The following CEP78 variants were observed in gnomAD, a reference collection of about 807,000 sequenced individuals.
CEP78 encodes centrosomal protein of 78 kDa.
CEP78 carries 76 observed loss-of-function variants against 81.2 expected under a neutral mutation model. The observed-to-expected ratio is 0.94, with a 90% CI of 0.78 to 1.13. The LOEUF (loss-of-function observed/expected upper bound fraction) is 1.13, where lower values mean the gene tolerates loss of function less well. Ranked by LOEUF, CEP78 falls within the 50% of genes most tolerant of loss-of-function variation. CEP78 has a pLI of 0.00. For synonymous variants in CEP78, 293 were observed against 301.4 expected (o/e 0.97, Z 0.29); for missense variants, 918 against 846.8 (o/e 1.08, Z -1.04).
intron 9 of CEP78, among the ~76,000 whole-genome samples, chr9:78,252,337 C>T (rs1826804327): frequency 2.0e-5 from 3 of 152,146 alleles, no homozygotes; most frequent in Non-Finnish European, 4.4e-5. Flanking sequence ...GCAGTTAAAC[C>T]AAGTCCTATA....
intron 11 of CEP78, among the ~76,000 whole-genome samples, chr9:78,260,508 C>T (rs1355401658): frequency 6.6e-6 from 1 of 151,942 alleles, no homozygotes; most frequent in Admixed American, 6.6e-5. Flanking sequence ...GAGATCGAGA[C>T]CATCCTGGCT....
In CEP78 at chr9:78,278,517, C is replaced by CT. The variant is rs1330219806; in HGVS notation, c.*7667dup. On this transcript the variant is annotated 3_prime_UTR_variant, in exon 17 of 17. Transcript: ENST00000643273. ...ACAACTCTGATTGTACTTCTAGTGA[C>CT]TAATTCATGTTCTGTTCTATTCCTT... is the stretch of plus-strand genomic sequence containing the variant. 6.6e-6 allele frequency: 1 copy of CT among 152,184 alleles called. No homozygotes were observed. The highest frequency in any genetic ancestry group is 1.5e-5 in the Non-Finnish European group (1 of 68,030). The allele number at this position is 152,184 out of a possible 1,614,324, so 9.4% of individuals were successfully genotyped here.
chr9:78,264,463 A>C (rs1827422532), intron 13 of CEP78, 147 bp downstream of exon 13: 1 of 599,968 alleles, frequency 1.7e-6, no homozygotes, highest in South Asian at 2.7e-5. Context: ...TGTGGAATTA[A>C]TTTTAAAAGA....
At chr9:78,261,116 A>AATTTTTAT (rs1383454839) in intron 11 of CEP78, among the ~76,000 whole-genome samples, 3 of 151,924 alleles carry the variant, frequency 2.0e-5, no homozygotes, top group African/African-American at 7.3e-5. Context: ...ACACCCAGCT[A>AATTTTTAT]ATTTTTATAT....
At chr9:78,267,768 A>T (rs182751876) in intron 16 of CEP78, among the ~76,000 whole-genome samples, 1 of 152,184 alleles carries the variant, frequency 6.6e-6, no homozygotes, top group Admixed American at 6.5e-5. Context: ...TTTCAAAGGC[A>T]GAGTTAGTAA....
At position 78,276,242 on chromosome 9, in the gene CEP78, CTAAAT is replaced by C. The variant is rs1827801471; in HGVS notation, c.*5395_*5399del. On this transcript the variant is annotated 3_prime_UTR_variant, in exon 17 of 17. Transcript: ENST00000643273. ...GTGAAGAGTAACTCACTGTAGCTCA[CTAAAT>C]TAACAGATTAAAGAAGTATAGTCAT... The C allele has an allele frequency of 2.0e-5, 3 of 152,254 alleles. No homozygotes were observed. The highest frequency in any genetic ancestry group is 7.2e-5 in the African/African-American group (3 of 41,538). 9.4% of individuals were successfully genotyped at this position (152,254 alleles called of 1,614,324 possible).
chr9:78,250,637 G>A (rs1826713388), intron 8 of CEP78, among the ~76,000 whole-genome samples: 1 of 152,092 alleles, frequency 6.6e-6, no homozygotes. Flanking sequence ...TCCTCGAAAG[G>A]CTAAGGCAGA....
In CEP78 at chr9:78,236,265, G is replaced by C; in HGVS notation, c.-86G>C. The C allele has an allele frequency of 8.0e-7, 1 of 1,244,642 alleles. No homozygotes were observed. Among genetic ancestry groups the C allele is most frequent in the South Asian group, 1.4e-5 (1 of 69,922 alleles). 77.1% of individuals were successfully genotyped at this position (1,244,642 alleles called of 1,614,324 possible). On this transcript the variant is annotated 5_prime_UTR_variant, in exon 1 of 17. Coordinates refer to ENST00000643273, the MANE Select transcript of CEP78 (RefSeq NM_001330691.3). The stretch of plus-strand genomic sequence containing the variant: ...CCGCTATCGCCTGGCCGTGGGTGCC[G>C]GAGCGGCCGGGTTGCGACTCAGCGT...
chr9:78,277,010 A>G lies in CEP78; in HGVS notation c.*6159A>G, dbSNP rs779231735. The G allele has an allele frequency of 6.6e-6, 1 of 152,200 alleles. No individual in the cohort carries two copies. Among genetic ancestry groups the G allele is most frequent in the Non-Finnish European group, 1.5e-5 (1 of 68,016 alleles). The allele number at this position is 152,200 out of a possible 1,614,324, so 9.4% of individuals were successfully genotyped here. The stretch of plus-strand genomic sequence containing the variant: ...TGTTCACACAGGAATAATCACAGGT[A>G]TAGAACCGAGAACCTAGGAACAGAG... On this transcript the variant is annotated 3_prime_UTR_variant, in exon 17 of 17. Transcript: ENST00000643273.
chr9:78,253,817 T>C (rs916034881), intron 10 of CEP78: 1 of 152,428 alleles, frequency 6.6e-6, no homozygotes, highest in Non-Finnish European at 1.5e-5. Flanking sequence ...CAGTTGTTTT[T>C]AGAGACCGTA....
chr9:78,264,608 A>C (rs1362361530), intron 13 of CEP78, among the ~76,000 whole-genome samples: 6 of 150,776 alleles, frequency 4.0e-5, no homozygotes, highest in Admixed American at 3.3e-4. Flanking sequence ...CCAGAAATTC[A>C]AGGTTAGCCT....
chr9:78,276,979 ATG>A lies in CEP78; in HGVS notation c.*6131_*6132del, dbSNP rs1187026733. The A allele has an allele frequency of 2.0e-5, 3 of 152,158 alleles. No homozygotes were observed. Among genetic ancestry groups the A allele is most frequent in the African/African-American group, 7.2e-5 (3 of 41,454 alleles). The allele number at this position is 152,158 out of a possible 1,614,324, so 9.4% of individuals were successfully genotyped here. A position where few individuals can be genotyped will look rare whatever the true frequency, so the allele number is the denominator to read the frequency against. ...AAAACAATCCATGGAGTTAGGGTAA[ATG>A]TGCTGTTCACACAGGAATAATCACA... On this transcript the variant is annotated 3_prime_UTR_variant, in exon 17 of 17. Coordinates refer to ENST00000643273, the MANE Select transcript of CEP78 (RefSeq NM_001330691.3).
intron 11 of CEP78, among the ~76,000 whole-genome samples, chr9:78,258,474 A>G (rs1827136967): frequency 1.3e-5 from 2 of 152,210 alleles, no homozygotes; most frequent in Non-Finnish European, 2.9e-5. Context: ...AAACAATTTA[A>G]ATTTTTAAGT....
chr9:78,262,268 A>G (rs1300011881), intron 11 of CEP78, among the ~76,000 whole-genome samples: 1 of 149,030 alleles, frequency 6.7e-6, no homozygotes, highest in East Asian at 2.0e-4. Context: ...CTGTGACATT[A>G]TGTTGGTAGA....
Position 78,271,712 on chromosome 9 carries a change from T to G in CEP78, c.*861T>G, listed in dbSNP as rs1248258754. On this transcript the variant is annotated 3_prime_UTR_variant, in exon 17 of 17. Transcript: ENST00000643273. Reference sequence around the variant, plus strand: ...TGTGGTTTTGTTTTTTGGGTTTTTTTTTTTTGAGTCAAGGTCTCACTCATG... The same window carrying G: ...TGTGGTTTTGTTTTTTGGGTTTTTTGTTTTTGAGTCAAGGTCTCACTCATG... 1 of 151,838 alleles carries G rather than the reference T, an allele frequency of 6.6e-6. No individual in the cohort carries two copies. Among genetic ancestry groups the G allele is most frequent in the African/African-American group, 2.4e-5 (1 of 41,390 alleles). 9.4% of individuals were successfully genotyped at this position (151,838 alleles called of 1,614,324 possible). A position where few individuals can be genotyped will look rare whatever the true frequency, so the allele number is the denominator to read the frequency against.
chr9:78,260,822 A>G (rs1446589164), intron 11 of CEP78, among the ~76,000 whole-genome samples: 1 of 152,100 alleles, frequency 6.6e-6, no homozygotes, highest in Admixed American at 6.5e-5. Flanking sequence ...GGGTTATTCC[A>G]TGACCCCATC....
At chr9:78,250,100 T>C (rs532800447) in intron 8 of CEP78, 16 of 390,722 alleles carry the variant, frequency 4.1e-5, no homozygotes, top group African/African-American at 3.1e-4. Flanking sequence ...TGGTATATAA[T>C]TGGACATCAT....
At position 78,270,915 on chromosome 9, in the gene CEP78, T is replaced by G; in HGVS notation, c.*64T>G. On this transcript the variant is annotated 3_prime_UTR_variant, in exon 17 of 17. Transcript: ENST00000643273. ...GTTGGAAAACCAGAAATTTGAACAG[T>G]GAAATTTCTGGAAGATAAGAAGCAG... is the stretch of plus-strand genomic sequence containing the variant. The G allele has an allele frequency of 3.1e-6, 2 of 651,512 alleles. No individual in the cohort carries two copies. The highest frequency in any genetic ancestry group is 5.4e-6 in the Non-Finnish European group (2 of 367,104). The allele number at this position is 651,512 out of a possible 1,614,324, so 40.4% of individuals were successfully genotyped here.
chr9:78,251,003 C>T (rs1201578578), intron 8 of CEP78, among the ~76,000 whole-genome samples: 3 of 151,884 alleles, frequency 2.0e-5, no homozygotes, highest in African/African-American at 4.8e-5. Flanking sequence ...GTAGATCTTA[C>T]GTAGTAAAAT....
Sources: allele counts gnomAD v4.1 joint callset (sites outside exome capture counted in the v4.1 genomes callset), GRCh38; gene constraint gnomAD v4.1.1; transcripts MANE v1.5; gene names NCBI Gene and HGNC (gene_info 2026-07-23, HGNC 2026-07-21).